Variants in CCBE1 observed in about 807,000 individuals in gnomAD.
CCBE1 encodes the protein collagen and calcium binding EGF domains 1, also known as collagen and calcium-binding EGF domain-containing protein 1.
CCBE1 carries 37 observed loss-of-function variants against 50.0 expected under a neutral mutation model. The observed-to-expected ratio is 0.74, with a 90% CI of 0.57 to 0.97. CCBE1 has a LOEUF of 0.97. CCBE1 is among the 50% of genes least tolerant of loss of function. The probability of loss-of-function intolerance (pLI) is 0.00; values close to 1 mark genes in which losing one functional copy is unlikely to be tolerated. For synonymous variants in CCBE1, 234 were observed against 203.7 expected, an observed-to-expected ratio of 1.15 and a Z score of -1.27; for missense variants, 538 against 523.8, an observed-to-expected ratio of 1.03 and a Z score of -0.26.
intron 2 of CCBE1, among the ~76,000 whole-genome samples, chr18:59,680,836 A>G (rs2054580132): frequency 1.3e-5 from 2 of 152,220 alleles, no homozygotes; most frequent in Non-Finnish European, 1.5e-5. Flanking sequence ...GTAGGTTAAA[A>G]TGCAGATTAG....
intron 2 of CCBE1, among the ~76,000 whole-genome samples, chr18:59,518,752 G>T (rs186161477): frequency 1.2e-4 from 18 of 152,274 alleles, no homozygotes; most frequent in African/African-American, 4.1e-4. Context: ...GGGGCCAACT[G>T]CCCACAGCTG....
chr18:59,640,054 T>C (rs901109203), intron 2 of CCBE1, among the ~76,000 whole-genome samples: 2 of 152,134 alleles, frequency 1.3e-5, no homozygotes, highest in African/African-American at 2.4e-5. Flanking sequence ...AAAATGGCCA[T>C]ACTCCCCAAA....
intron 2 of CCBE1, among the ~76,000 whole-genome samples, chr18:59,659,295 G>GTTT (rs56267729): frequency 0.056 from 8,225 of 148,002 alleles, 537 homozygotes; most frequent in African/African-American, 0.16. Flanking sequence ...GAATTTACAT[G>GTTT]TTTTTTTTTT....
At chr18:59,568,762 G>A (rs2052865983) in intron 2 of CCBE1, 1 of 152,214 alleles carries the variant, frequency 6.6e-6, no homozygotes, top group Non-Finnish European at 1.5e-5. Flanking sequence ...TTGAGCCAAG[G>A]TGAGCCCTGC....
At chr18:59,655,998 A>G (rs17066118) in intron 2 of CCBE1, among the ~76,000 whole-genome samples, 2,404 of 152,324 alleles carry the variant, frequency 0.016, 56 homozygotes, top group African/African-American at 0.054. Flanking sequence ...TTTCTTCTAA[A>G]TGTTGACTCT....
intron 2 of CCBE1, among the ~76,000 whole-genome samples, chr18:59,596,009 C>T (rs1232475418): frequency 2.0e-5 from 3 of 152,208 alleles, no homozygotes; most frequent in Admixed American, 2.0e-4. Flanking sequence ...CTACAAGGTG[C>T]TCCACATGGT....
intron 2 of CCBE1, among the ~76,000 whole-genome samples, chr18:59,562,082 T>C (rs996687858): frequency 1.6e-4 from 24 of 152,334 alleles, no homozygotes; most frequent in Non-Finnish European, 2.9e-4. Context: ...TCATGATTTG[T>C]AAACTTGAGT....
intron 2 of CCBE1, among the ~76,000 whole-genome samples, chr18:59,494,593 A>G (rs947885394): frequency 6.6e-6 from 1 of 152,206 alleles, no homozygotes; most frequent in Non-Finnish European, 1.5e-5. Flanking sequence ...AGAATAAAAA[A>G]ATCAGAGAAG....
chr18:59,451,006 G>A (rs1342669152), intron 6 of CCBE1, among the ~76,000 whole-genome samples: 2 of 152,186 alleles, frequency 1.3e-5, no homozygotes, highest in African/African-American at 2.4e-5. Flanking sequence ...AATCCTAGGG[G>A]CCTCTAAATT....
intron 2 of CCBE1, among the ~76,000 whole-genome samples, chr18:59,682,734 G>A (rs2054607612): frequency 6.6e-6 from 1 of 152,258 alleles, no homozygotes; most frequent in East Asian, 1.9e-4. Context: ...CATATGCATA[G>A]AAAGATTAGG....
rs1289307762 is a variant in CCBE1 at position 59,431,537 on chromosome 18, T to C, written c.*4371A>G. 1 of 152,066 alleles carries C rather than the reference T, an allele frequency of 6.6e-6. No homozygotes were observed. Among genetic ancestry groups the C allele is most frequent in the African/African-American group, 2.4e-5 (1 of 41,378 alleles). 9.4% of individuals were successfully genotyped at this position (152,066 alleles called of 1,614,324 possible). A position where few individuals can be genotyped will look rare whatever the true frequency, so the allele number is the denominator to read the frequency against. On this transcript the variant is annotated 3_prime_UTR_variant, in exon 11 of 11. Coordinates refer to ENST00000439986, the MANE Select transcript of CCBE1 (RefSeq NM_133459.4). Reference sequence around the variant, plus strand: ...GTGGGGAATGACACCCAAAATATGATGGGGGAGTTGCTACCTGAAAACCTA... The same window carrying C: ...GTGGGGAATGACACCCAAAATATGACGGGGGAGTTGCTACCTGAAAACCTA...
intron 2 of CCBE1, among the ~76,000 whole-genome samples, chr18:59,517,846 T>G (rs1233210383): frequency 6.6e-6 from 1 of 152,196 alleles, no homozygotes; most frequent in Non-Finnish European, 1.5e-5. Flanking sequence ...TAATGAACAT[T>G]TTCCTGAACA....
chr18:59,548,689 T>C (rs553092001), intron 2 of CCBE1, among the ~76,000 whole-genome samples: 143 of 152,250 alleles, frequency 9.4e-4, no homozygotes, highest in African/African-American at 3.1e-3. Context: ...CAGTGGCTCA[T>C]GCCTGTAATC....
chr18:59,464,595 C>T (rs1911654719), intron 5 of CCBE1, among the ~76,000 whole-genome samples: 1 of 152,236 alleles, frequency 6.6e-6, no homozygotes, highest in East Asian at 1.9e-4. Flanking sequence ...CTCAAATTCA[C>T]TCAAATTATT....
chr18:59,476,941 C>G (rs1018609066), intron 3 of CCBE1, among the ~76,000 whole-genome samples: 1 of 152,158 alleles, frequency 6.6e-6, no homozygotes, highest in Non-Finnish European at 1.5e-5. Context: ...TCACTGTTAT[C>G]CCTACTGATC....
chr18:59,595,877 A>G (rs1057219469), intron 2 of CCBE1, among the ~76,000 whole-genome samples: 7 of 152,196 alleles, frequency 4.6e-5, no homozygotes, highest in Non-Finnish European at 8.8e-5. Context: ...TCCATCAGAT[A>G]CTCCAAGGAC....
chr18:59,432,658 A>G lies in CCBE1; in HGVS notation c.*3250T>C, dbSNP rs1909983195. 1 of 152,238 alleles carries G rather than the reference A, an allele frequency of 6.6e-6. No homozygotes were observed. Among genetic ancestry groups the G allele is most frequent in the Non-Finnish European group, 1.5e-5 (1 of 68,038 alleles). The allele number at this position is 152,238 out of a possible 1,614,324, so 9.4% of individuals were successfully genotyped here. A position where few individuals can be genotyped will look rare whatever the true frequency, so the allele number is the denominator to read the frequency against. ...GGATTAAAAATTATTTTCTAAATTA[A>G]CTTGGTCCAGCAGATTGACATTATA... On this transcript the variant is annotated 3_prime_UTR_variant, in exon 11 of 11. Coordinates refer to ENST00000439986, the MANE Select transcript of CCBE1 (RefSeq NM_133459.4).
chr18:59,608,114 C>T (rs529081850), intron 2 of CCBE1, among the ~76,000 whole-genome samples: 13 of 152,046 alleles, frequency 8.6e-5, no homozygotes, highest in South Asian at 4.2e-4. Context: ...AGTGAGACTC[C>T]GTCTCGAAAA....
chr18:59,675,090 C>T (rs28446989), intron 2 of CCBE1, among the ~76,000 whole-genome samples: 1,816 of 152,164 alleles, frequency 0.012, 35 homozygotes, highest in African/African-American at 0.042. Context: ...TAATACAACA[C>T]CCAAAGTTAA....
Sources: gnomAD v4.1 joint callset for allele counts (sites outside exome capture counted in the v4.1 genomes callset) on GRCh38, gnomAD v4.1.1 for gene constraint, MANE v1.5 for transcripts, NCBI Gene and HGNC (gene_info 2026-07-23, HGNC 2026-07-21) for gene names.